Variants in HCN1 observed in about 807,000 individuals in gnomAD.
HCN1 encodes potassium/sodium hyperpolarization-activated cyclic nucleotide-gated channel 1.
HCN1 carries 13 observed loss-of-function variants against 78.9 expected under a neutral mutation model. The ratio of observed to expected loss-of-function variants is 0.16; its 90% CI spans 0.11 to 0.26. The LOEUF (loss-of-function observed/expected upper bound fraction) is 0.26. HCN1 is among the 10% of genes least tolerant of loss of function. The pLI is 1.00. For missense variants in HCN1, 810 were observed against 1,154.3 expected, an observed-to-expected ratio of 0.70 and a Z score of 4.32; for synonymous variants, 552 against 455.5, an observed-to-expected ratio of 1.21 and a Z score of -2.70.
intron 4 of HCN1, among the ~76,000 whole-genome samples, chr5:45,394,720 G>C (rs1186422537): frequency 6.6e-6 from 1 of 152,000 alleles, no homozygotes; most frequent in African/African-American, 2.4e-5. Flanking sequence ...GGAGACTGAG[G>C]CAAGAGAATC....
chr5:45,436,887 A>C (rs111521321), intron 3 of HCN1, among the ~76,000 whole-genome samples: 2 of 152,344 alleles, frequency 1.3e-5, no homozygotes, highest in African/African-American at 4.8e-5. Flanking sequence ...ATGAGCAAAA[A>C]GAGACCAGAG....
Position 45,349,194 on chromosome 5 carries a change from A to C in HCN1, c.1377+3906T>G, listed in dbSNP as rs572618285. On this transcript the variant is annotated intron_variant, in intron 5 of 7. Coordinates refer to ENST00000303230, the MANE Select transcript of HCN1 (RefSeq NM_021072.4). Reference sequence around the variant, plus strand: ...CTGTCTCTCAGACCACAGTGCAATCAAACTAGAACTCAGGATTAAGAAACT... The same window carrying C: ...CTGTCTCTCAGACCACAGTGCAATCCAACTAGAACTCAGGATTAAGAAACT... Among the ~76,000 whole-genome samples the C allele has an allele frequency of 2.8e-3, 424 of 152,344 alleles. 1 individual carries two copies. Among genetic ancestry groups the C allele is most frequent in the African/African-American group, 9.7e-3 (403 of 41,586 alleles).
At chr5:45,450,064 C>T (rs1197325854) in intron 3 of HCN1, among the ~76,000 whole-genome samples, 2 of 152,204 alleles carry the variant, frequency 1.3e-5, no homozygotes, top group Non-Finnish European at 2.9e-5. Context: ...ATCTCCTGAC[C>T]TCGTGATACG....
chr5:45,666,552 T>A (rs180807656), intron 1 of HCN1, among the ~76,000 whole-genome samples: 85 of 152,194 alleles, frequency 5.6e-4, no homozygotes, highest in African/African-American at 1.9e-3. Flanking sequence ...GGCCTAGTAA[T>A]ACATTCCCTG....
Position 45,516,586 on chromosome 5 carries a change from G to A in HCN1, c.850-54579C>T, listed in dbSNP as rs548192085. 5.9e-5 allele frequency among the ~76,000 whole-genome samples: 9 copies of A among 151,946 alleles called. 1 individual carries two copies. The highest frequency in any genetic ancestry group is 2.2e-4 in the African/African-American group (9 of 41,524). The stretch of plus-strand genomic sequence containing the variant: ...AGTTTGTGGTATTAGATATATTTTT[G>A]TAACTCTATTGGAAATTATTTTCCT... On this transcript the variant is annotated intron_variant, in intron 2 of 7. Coordinates refer to ENST00000303230, the MANE Select transcript of HCN1 (RefSeq NM_021072.4).
intron 3 of HCN1, among the ~76,000 whole-genome samples, chr5:45,458,646 A>G (rs1561162728): frequency 6.6e-6 from 1 of 152,116 alleles, no homozygotes; most frequent in Non-Finnish European, 1.5e-5. Flanking sequence ...TCTATGCTGC[A>G]CAAAACCGTC....
At chr5:45,586,288 G>A (rs1744222854) in intron 2 of HCN1, among the ~76,000 whole-genome samples, 1 of 152,164 alleles carries the variant, frequency 6.6e-6, no homozygotes, top group South Asian at 2.1e-4. Context: ...TGTGCTAACA[G>A]TGAGTGAGGC....
chr5:45,374,499 C>G (rs1747556776), intron 4 of HCN1, among the ~76,000 whole-genome samples: 1 of 149,454 alleles, frequency 6.7e-6, no homozygotes, highest in African/African-American at 2.4e-5. Flanking sequence ...AAAATTCAAT[C>G]AGTAATAAAA....
At chr5:45,618,926 G>A (rs2111991254) in intron 2 of HCN1, among the ~76,000 whole-genome samples, 1 of 152,134 alleles carries the variant, frequency 6.6e-6, no homozygotes, top group African/African-American at 2.4e-5. Flanking sequence ...TTACAGGTAG[G>A]AGCATTCGGT....
At chr5:45,363,289 T>C (rs1335423244) in intron 4 of HCN1, among the ~76,000 whole-genome samples, 1 of 150,860 alleles carries the variant, frequency 6.6e-6, no homozygotes, top group Non-Finnish European at 1.5e-5. Flanking sequence ...CATCTCAGGG[T>C]TTTTGCATCA....
chr5:45,525,029 C>G (rs2111789237), intron 2 of HCN1, among the ~76,000 whole-genome samples: 1 of 152,102 alleles, frequency 6.6e-6, no homozygotes, highest in Middle Eastern at 3.4e-3. Flanking sequence ...TGAGATACGT[C>G]CCATCAATAC....
intron 4 of HCN1, among the ~76,000 whole-genome samples, chr5:45,370,283 A>C (rs1466058134): frequency 6.6e-6 from 1 of 152,082 alleles, no homozygotes; most frequent in African/African-American, 2.4e-5. Flanking sequence ...AAAAAACCTG[A>C]ATATATAAAG....
At chr5:45,603,613 A>G (rs1389623364) in intron 2 of HCN1, among the ~76,000 whole-genome samples, 2 of 152,058 alleles carry the variant, frequency 1.3e-5, no homozygotes, top group Non-Finnish European at 2.9e-5. Context: ...AAAATCAGAT[A>G]CAAGGCTTCC....
At chr5:45,394,707 T>C (rs573877199) in intron 4 of HCN1, among the ~76,000 whole-genome samples, 225 of 152,132 alleles carry the variant, frequency 1.5e-3, no homozygotes, top group African/African-American at 4.0e-3. Flanking sequence ...TCCCAACTAC[T>C]TGGGAGACTG....
At chr5:45,267,009 G>A in intron 7 of HCN1, 80 bp downstream of exon 7, 1 of 1,206,810 alleles carries the variant, frequency 8.3e-7, no homozygotes, top group Admixed American at 1.7e-5. Flanking sequence ...ACTCCCCACT[G>A]CATTTGGGAC....
intron 2 of HCN1, among the ~76,000 whole-genome samples, chr5:45,532,570 ATCATC>A (rs1324845458): frequency 5.9e-5 from 9 of 152,330 alleles, no homozygotes; most frequent in African/African-American, 2.2e-4. Context: ...CATTCTATCT[ATCATC>A]TCTTCTTGGA....
In HCN1 at chr5:45,401,446, T is replaced by C. The variant is rs1579870052; in HGVS notation, c.1012-4736A>G. Among the ~76,000 whole-genome samples, 4 of 152,252 alleles carry C rather than the reference T, an allele frequency of 2.6e-5. No individual in the cohort carries two copies. The East Asian group carries it at 7.7e-4, about 29-fold the overall frequency. On this transcript the variant is annotated intron_variant, in intron 3 of 7. Coordinates refer to ENST00000303230, the MANE Select transcript of HCN1 (RefSeq NM_021072.4). Reference sequence around the variant, plus strand: ...ATTTATTCCTAATTTATCATTTGCCTATTGACCTTCTAATCATATAATTAC... The same window carrying C: ...ATTTATTCCTAATTTATCATTTGCCCATTGACCTTCTAATCATATAATTAC...
intron 2 of HCN1, among the ~76,000 whole-genome samples, chr5:45,501,236 A>G (rs1448539295): frequency 6.6e-6 from 1 of 152,156 alleles, no homozygotes; most frequent in Admixed American, 6.5e-5. Flanking sequence ...AGAGAAAATA[A>G]TATTTTATTT....
chr5:45,494,082 G>A (rs1475032806), intron 2 of HCN1, among the ~76,000 whole-genome samples: 3 of 152,048 alleles, frequency 2.0e-5, no homozygotes, highest in African/African-American at 7.3e-5. Context: ...TGTCTTTATA[G>A]CAGCATGATT....
Sources: allele counts gnomAD v4.1 joint callset (sites outside exome capture counted in the v4.1 genomes callset), GRCh38; gene constraint gnomAD v4.1.1; transcripts MANE v1.5; gene names NCBI Gene and HGNC (gene_info 2026-07-23, HGNC 2026-07-21).